Variants in APC observed in about 807,000 individuals in gnomAD.
APC encodes the protein adenomatous polyposis coli protein.
In APC, 72 loss-of-function variants were observed where a neutral mutation model predicts 247.0. That is an observed-to-expected ratio of 0.29 (90% CI 0.24 to 0.35). APC has a LOEUF of 0.35. Among genes scored for constraint, APC ranks in the 10% least tolerant of loss-of-function variants. APC has a pLI of 1.00. For missense variants in APC, 3,400 were observed against 3,360.7 expected, an observed-to-expected ratio of 1.01 and a Z score of -0.29; for synonymous variants, 1,254 against 1,162.5, an observed-to-expected ratio of 1.08 and a Z score of -1.60.
At position 112,713,778 on chromosome 5, in the gene APC, T is replaced by C. The variant is rs955069115; in HGVS notation, c.165+5896T>C. 2.6e-5 allele frequency among the ~76,000 whole-genome samples: 4 copies of C among 152,160 alleles called. No individual in the cohort carries two copies. In the East Asian group the frequency reaches 7.7e-4, roughly 29 times the overall value. ...TACCTCTTGGGTTCAGCGATTCTCC[T>C]GCCTCAGCCTCCCAAGTAGCTGGCG... On this transcript the variant is annotated intron_variant, in intron 1 of 13. Coordinates refer to the APC transcript ENST00000507379.
chr5:112,813,627 C>T (rs769923424), intron 8 of APC, among the ~76,000 whole-genome samples: 6 of 152,092 alleles, frequency 3.9e-5, no homozygotes, highest in Non-Finnish European at 5.9e-5. Context: ...GTTTCTAATA[C>T]GTCACCATAG....
intron 1 of APC, among the ~76,000 whole-genome samples, chr5:112,724,914 G>A (rs527257939): frequency 1.3e-5 from 2 of 152,258 alleles, no homozygotes; most frequent in South Asian, 2.1e-4. Context: ...CACTGTTTGG[G>A]TGCTTTGAAA....
At chr5:112,776,586 C>T (rs1383857530) in intron 5 of APC, among the ~76,000 whole-genome samples, 1 of 152,088 alleles carries the variant, frequency 6.6e-6, no homozygotes, top group Non-Finnish European at 1.5e-5. Context: ...GCCTGTAACC[C>T]CAGCACTTTG....
chr5:112,836,942 C>G (rs1422567629), intron 15 of APC, among the ~76,000 whole-genome samples: 1 of 152,074 alleles, frequency 6.6e-6, no homozygotes, highest in African/African-American at 2.4e-5. Context: ...CTCAGGTGAT[C>G]CGCCTGCCTC....
intron 5 of APC, chr5:112,777,889 C>A: frequency 4.7e-6 from 1 of 210,552 alleles, no homozygotes; most frequent in South Asian, 9.2e-5. Flanking sequence ...GATTTACTGT[C>A]ATCAGATTCA....
intron 8 of APC, among the ~76,000 whole-genome samples, chr5:112,804,005 T>G (rs1561519390): frequency 6.6e-6 from 1 of 152,202 alleles, no homozygotes; most frequent in Non-Finnish European, 1.5e-5. Context: ...TTGCCCACAT[T>G]TCTCACCACT....
chr5:112,782,251 A>T (rs559455877), intron 6 of APC, among the ~76,000 whole-genome samples: 1 of 152,120 alleles, frequency 6.6e-6, no homozygotes, highest in Non-Finnish European at 1.5e-5. Flanking sequence ...TCTCGTGAGA[A>T]TTATTTACTA....
At chr5:112,739,907 T>C (rs1262559342) in intron 1 of APC, among the ~76,000 whole-genome samples, 2 of 152,226 alleles carry the variant, frequency 1.3e-5, no homozygotes, top group South Asian at 2.1e-4. Context: ...ATTGTAGCAT[T>C]ATTTTTATTT....
intron 1 of APC, among the ~76,000 whole-genome samples, chr5:112,742,245 G>A (rs1445194410): frequency 1.3e-5 from 2 of 152,094 alleles, no homozygotes; most frequent in African/African-American, 4.8e-5. Flanking sequence ...CTGCTCTATA[G>A]TATTCTATAG....
At chr5:112,826,777 CGAA>C (rs1763708629) in intron 11 of APC, among the ~76,000 whole-genome samples, 1 of 151,812 alleles carries the variant, frequency 6.6e-6, no homozygotes, top group Admixed American at 6.6e-5. Context: ...CTTATGTTCA[CGAA>C]GAACTAGTGT....
At chr5:112,756,636 C>G (rs540659183) in intron 2 of APC, among the ~76,000 whole-genome samples, 14 of 152,208 alleles carry the variant, frequency 9.2e-5, no homozygotes, top group Admixed American at 9.2e-4. Context: ...TCTGAGATCT[C>G]TTTTTTAAAG....
At position 112,841,487 on chromosome 5, in the gene APC, C is replaced by G. The variant is rs1385926024; in HGVS notation, c.5893C>G (p.His1965Asp). The change falls in exon 16 of 16, where the codon CAT (histidine) becomes GAT (aspartate). Residue 1965 changes from histidine (H) to aspartate (D), a missense_variant. This residue lies in a region of APC where 1,788 missense variants were observed against 1,649.5 expected (regional missense o/e 1.08). Transcript: ENST00000257430. This position sits in a 1 kb window ranked among gnomAD's most constrained non-coding sequence, Gnocchi z 4.6. ...AIENTPVCFS[H>D]NSSLSSLSDI... ...TGAAAATACTCCGGTTTGCTTTTCT[C>G]ATAATTCCTCTCTGAGTTCTCTCAG... 2 of 1,613,628 alleles carry G rather than the reference C, an allele frequency of 1.2e-6. No homozygotes were observed. The highest frequency in any genetic ancestry group is 2.2e-5 in the South Asian group (2 of 91,074).
chr5:112,795,279 G>C (rs1269918505), intron 7 of APC, among the ~76,000 whole-genome samples: 1 of 152,188 alleles, frequency 6.6e-6, no homozygotes, highest in African/African-American at 2.4e-5. Flanking sequence ...GCCCGCCTCG[G>C]CCTCCCAAAG....
chr5:112,707,912 C>T, intron 1 of APC: 5 of 1,344,402 alleles, frequency 3.7e-6, no homozygotes, highest in Non-Finnish European at 2.9e-6. Flanking sequence ...TTGACGTCTC[C>T]TCCCGGCAAA....
chr5:112,832,749 T>C (rs1764427999), intron 14 of APC, among the ~76,000 whole-genome samples: 1 of 152,238 alleles, frequency 6.6e-6, no homozygotes, highest in African/African-American at 2.4e-5. Context: ...TAAAGAGCTG[T>C]TCTCCTCCAT....
At chr5:112,827,446 A>G (rs1204561805) in intron 12 of APC, among the ~76,000 whole-genome samples, 199 bp downstream of exon 12, 1 of 152,216 alleles carries the variant, frequency 6.6e-6, no homozygotes, top group Non-Finnish European at 1.5e-5. Context: ...ACATCTACAG[A>G]TGGAACACAG....
chr5:112,822,793 A>C (rs1462582556), intron 11 of APC, among the ~76,000 whole-genome samples: 1 of 152,160 alleles, frequency 6.6e-6, no homozygotes, highest in Non-Finnish European at 1.5e-5. Context: ...ATGTTACATT[A>C]TGTTCCAGCC....
intron 15 of APC, among the ~76,000 whole-genome samples, 153 bp from the exon 16 acceptor site, chr5:112,837,400 A>G (rs1175407097): frequency 7.2e-5 from 7 of 97,574 alleles, no homozygotes; most frequent in Non-Finnish European, 1.1e-4. Context: ...ATTAAACATT[A>G]CATGAAATTA....
chr5:112,809,597 C>CAAA, intron 8 of APC, among the ~76,000 whole-genome samples: 1 of 102,408 alleles, frequency 9.8e-6, no homozygotes. Context: ...TGGGTTTCAC[C>CAAA]AAAAAAAAAA....
Sources: allele counts gnomAD v4.1 joint callset (sites outside exome capture counted in the v4.1 genomes callset), GRCh38; gene constraint gnomAD v4.1.1; regional missense constraint gnomAD v4.1.1; non-coding constraint Gnocchi (gnomAD v3.1); transcripts MANE v1.5; gene names NCBI Gene and HGNC (gene_info 2026-07-23, HGNC 2026-07-21).